The following UPP2 variants were observed in gnomAD, a reference collection of about 807,000 sequenced individuals.
The protein encoded by UPP2 is uridine phosphorylase 2.
In UPP2, 23 loss-of-function variants were observed where a neutral mutation model predicts 26.7. The ratio of observed to expected loss-of-function variants is 0.86; its 90% CI spans 0.62 to 1.22. The LOEUF is 1.22. Among genes scored for constraint, UPP2 ranks in the 50% most tolerant of loss-of-function variants. UPP2 has a pLI of 0.00. For synonymous variants in UPP2, 127 were observed against 141.3 expected (o/e 0.90, Z 0.72); for missense variants, 387 against 396.7 (o/e 0.98, Z 0.21).
chr2:158,023,185 C>T (rs1040611257), intron 3 of UPP2, among the ~76,000 whole-genome samples: 1 of 85,930 alleles, frequency 1.2e-5, no homozygotes, highest in Non-Finnish European at 2.4e-5. Context: ...GAGAATAGTG[C>T]ATGAGGAGGG....
At chr2:158,045,534 G>C (rs1435313947) in intron 3 of UPP2, among the ~76,000 whole-genome samples, 1 of 152,192 alleles carries the variant, frequency 6.6e-6, no homozygotes, top group Non-Finnish European at 1.5e-5. Flanking sequence ...CTAGGAGGCA[G>C]TCACTTCCCA....
At chr2:158,049,606 T>C (rs1682114654) in intron 3 of UPP2, among the ~76,000 whole-genome samples, 2 of 152,150 alleles carry the variant, frequency 1.3e-5, no homozygotes, top group Admixed American at 1.3e-4. Context: ...AACAGGTGCA[T>C]GGAAATCATA....
At chr2:158,102,276 A>G (rs1479387110) in intron 1 of UPP2, 151 bp downstream of exon 1, 6 of 802,686 alleles carry the variant, frequency 7.5e-6, no homozygotes, top group South Asian at 3.4e-5. Context: ...AGCAATAAAA[A>G]CAGTGGAAAA....
At chr2:158,079,114 T>C (rs901968331) in intron 3 of UPP2, among the ~76,000 whole-genome samples, 7 of 152,104 alleles carry the variant, frequency 4.6e-5, no homozygotes, top group African/African-American at 1.7e-4. Context: ...AGGTGCCTTC[T>C]GCCATGATTG....
intron 3 of UPP2, among the ~76,000 whole-genome samples, chr2:158,042,564 C>G (rs1052723022): frequency 1.3e-5 from 2 of 152,170 alleles, no homozygotes; most frequent in Non-Finnish European, 2.9e-5. Context: ...AACAGCAGGG[C>G]TTTTAAGGGG....
At chr2:158,132,908 TTGAATAC>T in intron 6 of UPP2, among the ~76,000 whole-genome samples, 1 of 152,178 alleles carries the variant, frequency 6.6e-6, no homozygotes, top group Admixed American at 6.5e-5. Flanking sequence ...AAGAGAACCC[TTGAATAC>T]TGTTGATGGG....
At chr2:158,091,006 A>G (rs1682903277) in intron 3 of UPP2, among the ~76,000 whole-genome samples, 1 of 152,254 alleles carries the variant, frequency 6.6e-6, no homozygotes, top group African/African-American at 2.4e-5. Context: ...GAATGCAAAG[A>G]AAGTTTGTCT....
At chr2:158,009,532 G>T (rs745875187) in intron 2 of UPP2, among the ~76,000 whole-genome samples, 1 of 152,202 alleles carries the variant, frequency 6.6e-6, no homozygotes, top group Non-Finnish European at 1.5e-5. Flanking sequence ...ATGAAATATG[G>T]CTTTTAAGAA....
At chr2:158,101,760 T>C (rs928364508), upstream of UPP2, 243 of 923,844 alleles carry the variant, frequency 2.6e-4, 1 homozygote, top group African/African-American at 4.2e-3. Flanking sequence ...CTAACCAACC[T>C]GGTCAAAGAG....
chr2:158,065,614 C>A, intron 3 of UPP2: 1 of 575,870 alleles, frequency 1.7e-6, no homozygotes, highest in Non-Finnish European at 3.4e-6. Flanking sequence ...TTACTACACA[C>A]AACCCAACCA....
At chr2:158,078,617 T>C (rs1682668671) in intron 3 of UPP2, among the ~76,000 whole-genome samples, 1 of 152,106 alleles carries the variant, frequency 6.6e-6, no homozygotes, top group Non-Finnish European at 1.5e-5. Flanking sequence ...AGAAGATGGT[T>C]ACCAGAGGCT....
intron 2 of UPP2, among the ~76,000 whole-genome samples, chr2:158,011,965 C>G (rs1441425387): frequency 6.6e-6 from 1 of 152,090 alleles, no homozygotes; most frequent in East Asian, 1.9e-4. Flanking sequence ...TGGCTATGGC[C>G]GTATATGGTC....
At chr2:158,076,997 A>C (rs1335332220) in intron 3 of UPP2, among the ~76,000 whole-genome samples, 2 of 152,144 alleles carry the variant, frequency 1.3e-5, no homozygotes, top group Non-Finnish European at 2.9e-5. Context: ...TCAACATACG[A>C]AAATCAGTAG....
At chr2:158,010,349 A>AT in intron 2 of UPP2, among the ~76,000 whole-genome samples, 1 of 152,294 alleles carries the variant, frequency 6.6e-6, no homozygotes, top group Non-Finnish European at 1.5e-5. Context: ...TTCTTAAAAT[A>AT]TTTTCCTTTC....
intron 4 of UPP2, among the ~76,000 whole-genome samples, chr2:158,121,069 C>A (rs1407165849): frequency 6.6e-6 from 1 of 152,060 alleles, no homozygotes; most frequent in South Asian, 2.1e-4. Flanking sequence ...AGTCACATCA[C>A]TTTATGAAAG....
intron 3 of UPP2, among the ~76,000 whole-genome samples, chr2:158,077,001 T>C (rs1682640708): frequency 6.6e-6 from 1 of 151,956 alleles, no homozygotes; most frequent in South Asian, 2.1e-4. Flanking sequence ...CATACGAAAA[T>C]CAGTAGCATT....
At chr2:158,022,390 C>T (rs796148114) in intron 3 of UPP2, among the ~76,000 whole-genome samples, 19 of 145,420 alleles carry the variant, frequency 1.3e-4, no homozygotes, top group African/African-American at 4.2e-4. Flanking sequence ...ACCCGGGAGG[C>T]GGACGTTGCA....
At chr2:158,025,074 T>C (rs1683813002) in intron 3 of UPP2, among the ~76,000 whole-genome samples, 2 of 151,576 alleles carry the variant, frequency 1.3e-5, no homozygotes, top group Admixed American at 1.3e-4. Context: ...GATGGCGGGG[T>C]GCCTGTAATC....
intron 2 of UPP2, among the ~76,000 whole-genome samples, chr2:158,110,429 T>C (rs1262101156): frequency 2.0e-5 from 3 of 152,200 alleles, no homozygotes; most frequent in Non-Finnish European, 4.4e-5. Flanking sequence ...GTCTTTGCTA[T>C]TGTGAGTAGT....
Sources: allele counts gnomAD v4.1 joint callset (sites outside exome capture counted in the v4.1 genomes callset), GRCh38; gene constraint gnomAD v4.1.1; transcripts MANE v1.5; gene names NCBI Gene and HGNC (gene_info 2026-07-23, HGNC 2026-07-21).